The following BRAF variants were observed in gnomAD, a reference collection of about 807,000 sequenced individuals.
BRAF encodes B-Raf proto-oncogene, serine/threonine kinase, also known as serine/threonine-protein kinase B-raf.
A neutral mutation model predicts 104.6 loss-of-function variants in BRAF; 16 were observed. The ratio of observed to expected loss-of-function variants is 0.15; its 90% CI spans 0.10 to 0.23. The LOEUF is 0.23. Among genes scored for constraint, BRAF ranks in the 10% least tolerant of loss-of-function variants. The pLI is 1.00. For missense variants in BRAF, 541 were observed against 937.3 expected (o/e 0.58, Z 5.52); for synonymous variants, 310 against 341.6 (o/e 0.91, Z 1.02).
At chr7:140,898,396 T>C (rs1815203515) in intron 1 of BRAF, among the ~76,000 whole-genome samples, 2 of 152,058 alleles carry the variant, frequency 1.3e-5, no homozygotes. Context: ...TAAAGAAGAC[T>C]ATCCATAACA....
At chr7:140,910,681 CT>C (rs976715459) in intron 1 of BRAF, among the ~76,000 whole-genome samples, 4 of 151,336 alleles carry the variant, frequency 2.6e-5, no homozygotes, top group African/African-American at 7.3e-5. Flanking sequence ...AAAAAATACA[CT>C]TTTTTTTTGA....
intron 1 of BRAF, among the ~76,000 whole-genome samples, chr7:140,908,605 GT>G (rs1490868802): frequency 8.5e-5 from 13 of 152,096 alleles, no homozygotes; most frequent in Non-Finnish European, 1.8e-4. Flanking sequence ...GGCTAAAACT[GT>G]GGTCACAACT....
intron 3 of BRAF, among the ~76,000 whole-genome samples, chr7:140,814,781 ATT>A (rs1804667499): frequency 7.0e-6 from 1 of 143,248 alleles, no homozygotes; most frequent in African/African-American, 2.5e-5. Context: ...TAACATATAT[ATT>A]ATATATAACA....
chr7:140,914,471 A>G (rs2129142480), intron 1 of BRAF, among the ~76,000 whole-genome samples: 1 of 152,346 alleles, frequency 6.6e-6, no homozygotes, highest in Admixed American at 6.5e-5. Flanking sequence ...CTGTGGCTCT[A>G]GAATAGGAAT....
chr7:140,772,820 A>C (rs1392586098), intron 14 of BRAF, among the ~76,000 whole-genome samples: 2 of 152,220 alleles, frequency 1.3e-5, no homozygotes, highest in African/African-American at 4.8e-5. Context: ...TAATATAGGA[A>C]TTTAATATTA....
intron 1 of BRAF, among the ~76,000 whole-genome samples, chr7:140,919,291 G>A (rs1174025241): frequency 6.6e-6 from 1 of 151,966 alleles, no homozygotes; most frequent in Non-Finnish European, 1.5e-5. Context: ...TACATTACAA[G>A]AATGAAAACG....
At chr7:140,794,265 C>T (rs753266792) in intron 8 of BRAF, 43 bp downstream of exon 8, 42 of 1,602,178 alleles carry the variant, frequency 2.6e-5, no homozygotes, top group Non-Finnish European at 3.5e-5. Context: ...AATAAAGATA[C>T]ATACTTGGTT....
intron 9 of BRAF, among the ~76,000 whole-genome samples, chr7:140,786,310 A>G (rs913683097): frequency 6.6e-6 from 1 of 152,232 alleles, no homozygotes; most frequent in Non-Finnish European, 1.5e-5. Context: ...GGTTTATAAC[A>G]ATGTTTACTC....
intron 1 of BRAF, among the ~76,000 whole-genome samples, chr7:140,890,691 C>T (rs2129116070): frequency 6.6e-6 from 1 of 152,308 alleles, no homozygotes; most frequent in Admixed American, 6.5e-5. Context: ...CCCTCAAAAA[C>T]CAGAACCTCT....
chr7:140,829,975 T>G (rs1806536320), intron 3 of BRAF, among the ~76,000 whole-genome samples: 1 of 152,228 alleles, frequency 6.6e-6, no homozygotes, highest in African/African-American at 2.4e-5. Context: ...TTTGCCCACT[T>G]TATCTCATAT....
At chr7:140,734,836 A>C in intron 18 of BRAF, 66 bp from the exon 18 acceptor site, 16 of 1,347,058 alleles carry the variant, frequency 1.2e-5, no homozygotes, top group Admixed American at 2.7e-5. Context: ...AAGAAAGAAA[A>C]AGAAAAAACA....
At chr7:140,717,283 G>GT (rs1554493282), downstream of BRAF, among the ~76,000 whole-genome samples, 118 of 148,546 alleles carry the variant, frequency 7.9e-4, no homozygotes, top group Middle Eastern at 3.5e-3. Context: ...AGTTGGACCA[G>GT]TTTTTTTTTT....
chr7:140,894,146 T>C (rs912825870), intron 1 of BRAF, among the ~76,000 whole-genome samples: 3 of 150,624 alleles, frequency 2.0e-5, no homozygotes, highest in Admixed American at 6.6e-5. Context: ...AAAAAAGAAA[T>C]AGGAAATGAA....
At chr7:140,762,627 A>G (rs1242132377) in intron 14 of BRAF, among the ~76,000 whole-genome samples, 1 of 127,620 alleles carries the variant, frequency 7.8e-6, no homozygotes, top group Non-Finnish European at 1.6e-5. Context: ...TTTTTTTTTA[A>G]TTGATCATTC....
At chr7:140,761,145 C>T (rs939826266) in intron 14 of BRAF, among the ~76,000 whole-genome samples, 1 of 152,150 alleles carries the variant, frequency 6.6e-6, no homozygotes, top group Non-Finnish European at 1.5e-5. Flanking sequence ...ACAGAAAGGT[C>T]GGGTTACCCA....
intron 14 of BRAF, among the ~76,000 whole-genome samples, chr7:140,774,524 C>A (rs977076905): frequency 6.6e-6 from 1 of 152,146 alleles, no homozygotes; most frequent in African/African-American, 2.4e-5. Flanking sequence ...CTACACCCAG[C>A]CTGTTTGTTT....
At position 140,854,814 on chromosome 7, in the gene BRAF, G is replaced by A. The variant is rs141530058; in HGVS notation, c.139-4602C>T. Among the ~76,000 whole-genome samples the A allele has an allele frequency of 1.2e-3, 179 of 152,070 alleles. 3 individuals are homozygous for A. The East Asian group carries it at 0.026, about 22-fold the overall frequency. ...ACAAAAATTAGCCGGGCGTGGTGGC[G>A]TGTGCCTGTAATCCCAGCTACCCAG... On this transcript the variant is annotated intron_variant, in intron 1 of 19. Transcript: ENST00000644969.
Position 140,753,510 on chromosome 7 carries a change from A to C in BRAF, c.1862-117T>G, listed in dbSNP as rs545102019. On this transcript the variant is annotated intron_variant, in intron 15 of 19. Coordinates refer to ENST00000644969, the MANE Select transcript of BRAF (RefSeq NM_001374258.1). Reference sequence around the variant, plus strand: ...TAATTCTGTAATATAATATTCTTTAAAACATAGTACTTCATCTTTCCTCTT... The same window carrying C: ...TAATTCTGTAATATAATATTCTTTACAACATAGTACTTCATCTTTCCTCTT... The C allele has an allele frequency of 4.4e-5, 31 of 700,468 alleles. 1 individual carries two copies. In the South Asian group the frequency reaches 4.6e-4, roughly 10 times the overall value. 43.4% of individuals were successfully genotyped at this position (700,468 alleles called of 1,614,324 possible). A position where few individuals can be genotyped will look rare whatever the true frequency, so the allele number is the denominator to read the frequency against.
intron 1 of BRAF, among the ~76,000 whole-genome samples, chr7:140,878,260 AT>A (rs955419937): frequency 6.6e-6 from 1 of 152,148 alleles, no homozygotes; most frequent in African/African-American, 2.4e-5. Context: ...CTCACACCAT[AT>A]TTTAAAAACC....
Sources: allele counts gnomAD v4.1 joint callset (sites outside exome capture counted in the v4.1 genomes callset), GRCh38; gene constraint gnomAD v4.1.1; transcripts MANE v1.5; gene names NCBI Gene and HGNC (gene_info 2026-07-23, HGNC 2026-07-21).